ESRRG: variants seen among roughly 807,000 people sequenced by gnomAD.
ESRRG encodes estrogen-related receptor gamma.
In ESRRG, 13 loss-of-function variants were observed where a neutral mutation model predicts 44.0. The ratio of observed to expected loss-of-function variants is 0.30; its 90% CI spans 0.19 to 0.47. The LOEUF (loss-of-function observed/expected upper bound fraction) is 0.47. Among genes scored for constraint, ESRRG ranks in the 20% least tolerant of loss-of-function variants. The pLI is 1.00. For synonymous variants in ESRRG, 215 were observed against 214.6 expected (o/e 1.00, Z -0.02); for missense variants, 395 against 580.6 (o/e 0.68, Z 3.29).
chr1:217,015,695 G>A (rs917484044), intron 1 of ESRRG, among the ~76,000 whole-genome samples: 2 of 150,462 alleles, frequency 1.3e-5, no homozygotes, highest in Non-Finnish European at 3.0e-5. Context: ...GGAACCTCAG[G>A]TTTTGTTTGT....
intron 2 of ESRRG, among the ~76,000 whole-genome samples, chr1:216,898,130 CTGA>C (rs2058636670): frequency 1.3e-5 from 2 of 152,092 alleles, no homozygotes; most frequent in South Asian, 4.2e-4. Context: ...TCAGAAAGAT[CTGA>C]TTTTAGATTT....
At chr1:217,045,181 T>C (rs190054468) in intron 1 of ESRRG, among the ~76,000 whole-genome samples, 9 of 152,330 alleles carry the variant, frequency 5.9e-5, no homozygotes, top group African/African-American at 2.2e-4. Context: ...TCCAAGGCAC[T>C]CTTTGTGCAT....
At chr1:216,847,649 T>C (rs1458445621) in intron 2 of ESRRG, among the ~76,000 whole-genome samples, 1 of 152,064 alleles carries the variant, frequency 6.6e-6, no homozygotes, top group East Asian at 1.9e-4. Flanking sequence ...CTTAAGCATA[T>C]TGTCTCTCTC....
chr1:216,752,074 T>C (rs531943681), intron 2 of ESRRG, among the ~76,000 whole-genome samples: 3 of 152,236 alleles, frequency 2.0e-5, no homozygotes, highest in African/African-American at 7.2e-5. Flanking sequence ...AAAATAGATG[T>C]TTTCATTCTA....
intron 2 of ESRRG, among the ~76,000 whole-genome samples, chr1:216,866,645 A>T (rs2096168087): frequency 6.6e-6 from 1 of 151,548 alleles, no homozygotes; most frequent in South Asian, 2.1e-4. Flanking sequence ...GCCTCAGCTC[A>T]TTGCAGTCTT....
At chr1:216,647,555 T>G (rs1374731301) in intron 3 of ESRRG, among the ~76,000 whole-genome samples, 1 of 152,178 alleles carries the variant, frequency 6.6e-6, no homozygotes, top group African/African-American at 2.4e-5. Flanking sequence ...TTCCATTGCT[T>G]GCTAATGAGA....
At chr1:217,013,190 T>C (rs2078882693) in intron 1 of ESRRG, among the ~76,000 whole-genome samples, 1 of 152,194 alleles carries the variant, frequency 6.6e-6, no homozygotes, top group Admixed American at 6.5e-5. Context: ...GACTCCAAAA[T>C]ATCTTTCTTG....
intron 1 of ESRRG, among the ~76,000 whole-genome samples, chr1:216,962,968 G>A (rs1172619796): frequency 6.6e-6 from 1 of 152,134 alleles, no homozygotes; most frequent in East Asian, 1.9e-4. Flanking sequence ...CCACATACCT[G>A]GGTTAGAGAC....
chr1:216,925,360 C>A (rs1374712587), intron 2 of ESRRG, among the ~76,000 whole-genome samples: 1 of 152,034 alleles, frequency 6.6e-6, no homozygotes, highest in East Asian at 1.9e-4. Context: ...TTGCCTGAAC[C>A]CGGGAGGCGG....
intron 1 of ESRRG, among the ~76,000 whole-genome samples, chr1:217,016,276 A>G (rs569321292): frequency 6.4e-4 from 98 of 152,106 alleles, no homozygotes; most frequent in African/African-American, 2.3e-3. Context: ...GCCAAGTGCC[A>G]TTTCCTTTTT....
intron 2 of ESRRG, among the ~76,000 whole-genome samples, chr1:216,736,651 C>T (rs2089970039): frequency 6.6e-6 from 1 of 152,064 alleles, no homozygotes; most frequent in South Asian, 2.1e-4. Context: ...TGTACCCTTG[C>T]GCTAGCTGCT....
intron 1 of ESRRG, among the ~76,000 whole-genome samples, chr1:217,123,208 G>A (rs982118973): frequency 1.3e-5 from 2 of 152,146 alleles, no homozygotes; most frequent in Non-Finnish European, 2.9e-5. Context: ...TCGTGGAAAT[G>A]AAAAGGAATA....
chr1:216,965,823 C>T (rs1008209868), intron 1 of ESRRG, among the ~76,000 whole-genome samples: 3 of 152,138 alleles, frequency 2.0e-5, no homozygotes, highest in African/African-American at 7.2e-5. Flanking sequence ...GTCATGTTGC[C>T]ATGGTCTGGT....
chr1:216,800,521 G>A (rs1209246267), intron 2 of ESRRG, among the ~76,000 whole-genome samples: 6 of 152,106 alleles, frequency 3.9e-5, no homozygotes, highest in East Asian at 1.9e-4. Flanking sequence ...TAAAAGGCAC[G>A]AAAGCATCCC....
chr1:216,538,641 G>C (rs571839595), intron 5 of ESRRG, among the ~76,000 whole-genome samples: 1 of 152,070 alleles, frequency 6.6e-6, no homozygotes, highest in East Asian at 1.9e-4. Context: ...AGTTTAAAAA[G>C]AACAAGCTAA....
intron 3 of ESRRG, among the ~76,000 whole-genome samples, chr1:216,583,396 G>A (rs550275061): frequency 6.6e-6 from 1 of 152,180 alleles, no homozygotes; most frequent in Non-Finnish European, 1.5e-5. Flanking sequence ...TTCTCTCAAT[G>A]TATGTATTTC....
rs74600382 is a variant in ESRRG, at chr1:216,850,587, T to C, written c.-14+88995A>G. ...TTAGCCTAGTAATTATATAATACAC[T>C]GTACTCCTATCTCCTTTGTTCCAAT... On this transcript the variant is annotated intron_variant, in intron 2 of 7. Transcript: ENST00000359162. Among the ~76,000 whole-genome samples the C allele has an allele frequency of 8.7e-3, 1,329 of 152,196 alleles. 16 individuals are homozygous for C. The highest frequency in any genetic ancestry group is 0.044 in the East Asian group (229 of 5,178).
chr1:216,704,707 A>G lies in ESRRG; in HGVS notation c.56+18537T>C, dbSNP rs1357946505. On this transcript the variant is annotated intron_variant, in intron 1 of 6. Transcript: ENST00000408911. Reference sequence around the variant, plus strand: ...AAGATATAATCACTAGATATAACATATAATATTATCCACACGTATATGTCT... The same window carrying G: ...AAGATATAATCACTAGATATAACATGTAATATTATCCACACGTATATGTCT... Among the ~76,000 whole-genome samples the G allele has an allele frequency of 2.4e-4, 36 of 152,222 alleles. 2 individuals are homozygous for G. Among genetic ancestry groups the G allele is most frequent in the Non-Finnish European group, 1.5e-5 (1 of 68,042 alleles).
intron 5 of ESRRG, among the ~76,000 whole-genome samples, chr1:216,527,049 A>T (rs956873921): frequency 6.6e-6 from 1 of 152,248 alleles, no homozygotes; most frequent in African/African-American, 2.4e-5. Flanking sequence ...CACTATGTTC[A>T]GTACCATTGG....
Sources: allele counts gnomAD v4.1 joint callset (sites outside exome capture counted in the v4.1 genomes callset), GRCh38; gene constraint gnomAD v4.1.1; transcripts MANE v1.5; gene names NCBI Gene and HGNC (gene_info 2026-07-23, HGNC 2026-07-21).